The following LDLRAD4 variants were observed in gnomAD, a reference collection of about 807,000 sequenced individuals.
The protein encoded by LDLRAD4 is low density lipoprotein receptor class A domain containing 4.
LDLRAD4 carries 5 observed loss-of-function variants against 17.0 expected under a neutral mutation model. That is an observed-to-expected ratio of 0.29 (90% CI 0.15 to 0.62). The LOEUF is 0.62. Ranked by LOEUF, LDLRAD4 falls within the 20% of genes least tolerant of loss-of-function variation. The pLI, the probability that LDLRAD4 is intolerant of heterozygous loss-of-function variation, is 0.84. For missense variants in LDLRAD4, 340 were observed against 424.7 expected, an observed-to-expected ratio of 0.80 and a Z score of 1.75; for synonymous variants, 168 against 171.8, an observed-to-expected ratio of 0.98 and a Z score of 0.17.
At chr18:13,380,754 T>G (rs1321097329) in intron 1 of LDLRAD4, among the ~76,000 whole-genome samples, 5 of 152,236 alleles carry the variant, frequency 3.3e-5, no homozygotes, top group Non-Finnish European at 7.3e-5. Flanking sequence ...TGAATCGATG[T>G]TTTGGGTTTT....
intron 1 of LDLRAD4, among the ~76,000 whole-genome samples, chr18:13,326,350 CATAAG>C (rs2081536949): frequency 6.6e-6 from 1 of 152,110 alleles, no homozygotes; most frequent in Non-Finnish European, 1.5e-5. Context: ...CTGCATTTTA[CATAAG>C]ATAAGGTGAA....
chr18:13,390,961 G>A (rs2086231469), intron 2 of LDLRAD4, among the ~76,000 whole-genome samples: 1 of 152,196 alleles, frequency 6.6e-6, no homozygotes, highest in African/African-American at 2.4e-5. Context: ...CTGTGATGTA[G>A]GATGCAGGGG....
intron 3 of LDLRAD4, among the ~76,000 whole-genome samples, chr18:13,588,650 C>T (rs1311598031): frequency 1.3e-5 from 2 of 152,066 alleles, no homozygotes; most frequent in African/African-American, 2.4e-5. Flanking sequence ...TGCTACTCGC[C>T]GGGTGTTTTT....
At chr18:13,471,769 A>G (rs987772000) in intron 3 of LDLRAD4, 2 of 152,346 alleles carry the variant, frequency 1.3e-5, no homozygotes, top group Non-Finnish European at 2.9e-5. Flanking sequence ...CTGCCAAGCC[A>G]AATTCTCCTG....
At chr18:13,643,180 C>A (rs11080665) in intron 4 of LDLRAD4, among the ~76,000 whole-genome samples, 179 bp from the exon 6 acceptor site, 75,847 of 151,612 alleles carry the variant, frequency 0.5, 22,071 homozygotes, top group East Asian at 0.83. Context: ...GTGATCCATC[C>A]GCCTCTGCCT....
intron 1 of LDLRAD4, among the ~76,000 whole-genome samples, chr18:13,292,859 G>C (rs1453425958): frequency 6.6e-6 from 1 of 152,200 alleles, no homozygotes; most frequent in Non-Finnish European, 1.5e-5. Flanking sequence ...TAATTCCAGG[G>C]CACAAAGGCC....
chr18:13,220,232 GA>G (rs1394467143), intron 1 of LDLRAD4, among the ~76,000 whole-genome samples: 1 of 152,212 alleles, frequency 6.6e-6, no homozygotes, highest in African/African-American at 2.4e-5. Context: ...TTAGGGCTGG[GA>G]ATGTAAATGC....
chr18:13,513,119 C>A (rs1053426065), intron 3 of LDLRAD4, among the ~76,000 whole-genome samples: 3 of 152,200 alleles, frequency 2.0e-5, no homozygotes, highest in African/African-American at 7.2e-5. Flanking sequence ...TAAGTGTGCA[C>A]AGTCTGATGA....
chr18:13,376,360 C>G (rs182057906), intron 1 of LDLRAD4, among the ~76,000 whole-genome samples: 40 of 152,308 alleles, frequency 2.6e-4, no homozygotes, highest in Middle Eastern at 3.4e-3. Context: ...GCGCGGCCCA[C>G]GGTCGCTTAG....
chr18:13,644,507 G>GCCAA (rs764109811), intron 5 of LDLRAD4, among the ~76,000 whole-genome samples: 160 of 150,410 alleles, frequency 1.1e-3, no homozygotes, highest in Non-Finnish European at 1.9e-3. Context: ...GGTTAAGGTT[G>GCCAA]CAATAAGCCA....
intron 3 of LDLRAD4, among the ~76,000 whole-genome samples, chr18:13,484,767 G>A (rs1303645351): frequency 1.3e-5 from 2 of 152,340 alleles, no homozygotes; most frequent in African/African-American, 2.4e-5. Flanking sequence ...CCCAGTGCCA[G>A]TATCTTCCTT....
At chr18:13,546,611 C>T (rs2094368663) in intron 3 of LDLRAD4, among the ~76,000 whole-genome samples, 1 of 152,030 alleles carries the variant, frequency 6.6e-6, no homozygotes, top group Non-Finnish European at 1.5e-5. Context: ...ATACCACACA[C>T]TACTGCCATG....
chr18:13,570,065 T>A (rs2094665194), intron 3 of LDLRAD4, among the ~76,000 whole-genome samples: 1 of 152,282 alleles, frequency 6.6e-6, no homozygotes, highest in Admixed American at 6.5e-5. Flanking sequence ...ATTTTGCAGG[T>A]GGTTTTTCTT....
At chr18:13,284,781 C>A (rs1205179502) in intron 1 of LDLRAD4, among the ~76,000 whole-genome samples, 1 of 152,226 alleles carries the variant, frequency 6.6e-6, no homozygotes. Context: ...CTGCTCGAGG[C>A]CACCCGGATG....
chr18:13,224,225 A>G (rs947728491), intron 1 of LDLRAD4, among the ~76,000 whole-genome samples: 5 of 152,178 alleles, frequency 3.3e-5, no homozygotes, highest in Non-Finnish European at 7.3e-5. Flanking sequence ...AGAAAGACAA[A>G]GCAACAGTCA....
chr18:13,606,094 T>C (rs1031480552), intron 3 of LDLRAD4, among the ~76,000 whole-genome samples: 12 of 152,180 alleles, frequency 7.9e-5, no homozygotes, highest in Non-Finnish European at 1.5e-4. Context: ...ATTCTCAGCC[T>C]CATTTTATAG....
At chr18:13,443,922 G>T (rs528750894) in intron 3 of LDLRAD4, among the ~76,000 whole-genome samples, 2 of 152,300 alleles carry the variant, frequency 1.3e-5, no homozygotes, top group South Asian at 4.1e-4. Context: ...TGAAACTACC[G>T]CCTCGGTACA....
intron 3 of LDLRAD4, among the ~76,000 whole-genome samples, chr18:13,551,954 C>T (rs951033997): frequency 3.3e-5 from 5 of 152,062 alleles, no homozygotes; most frequent in African/African-American, 1.2e-4. Context: ...TGTCACATGG[C>T]AGGATGGGGA....
intron 1 of LDLRAD4, among the ~76,000 whole-genome samples, chr18:13,353,813 A>G (rs1385448539): frequency 2.0e-5 from 3 of 152,364 alleles, no homozygotes; most frequent in Admixed American, 6.5e-5. Context: ...GAAATGGCAG[A>G]CATTTTGAAT....
Sources: gnomAD v4.1 joint callset for allele counts (sites outside exome capture counted in the v4.1 genomes callset) on GRCh38, gnomAD v4.1.1 for gene constraint, MANE v1.5 for transcripts, NCBI Gene and HGNC (gene_info 2026-07-23, HGNC 2026-07-21) for gene names.